RLIM: variants seen among roughly 807,000 people sequenced by gnomAD.
RLIM encodes ring finger protein, LIM domain interacting.
In RLIM, 2 loss-of-function variants were observed where a neutral mutation model predicts 34.0. That is an observed-to-expected ratio of 0.06 (90% CI 0.02 to 0.19). The LOEUF (loss-of-function observed/expected upper bound fraction) is 0.19, where lower values mean the gene tolerates loss of function less well. Among genes scored for constraint, RLIM ranks in the 10% least tolerant of loss-of-function variants. The pLI, the probability that RLIM is intolerant of heterozygous loss-of-function variation, is 1.00. For synonymous variants in RLIM, 169 were observed against 164.0 expected, an observed-to-expected ratio of 1.03 and a Z score of -0.23; for missense variants, 286 against 479.7, an observed-to-expected ratio of 0.60 and a Z score of 3.77.
intron 1 of RLIM, among the ~76,000 whole-genome samples, chrX:74,610,450 CAAACA>C (rs1348413932): frequency 6.4e-5 from 6 of 94,308 alleles, no homozygotes; most frequent in African/African-American, 2.5e-4. Flanking sequence ...AACAAACAAA[CAAACA>C]AACAAAAAAA....
At position 74,590,903 on chromosome X, in the gene RLIM, T is replaced by C. The variant is rs906294285; in HGVS notation, c.*537A>G. 9 of 117,816 alleles carry C rather than the reference T, an allele frequency of 7.6e-5. No homozygotes were observed. Among genetic ancestry groups the C allele is most frequent in the Non-Finnish European group, 1.4e-4 (8 of 56,061 alleles). 9.7% of individuals were successfully genotyped at this position (117,816 alleles called of 1,213,427 possible). A position where few individuals can be genotyped will look rare whatever the true frequency, so the allele number is the denominator to read the frequency against. ...AGACAGTTATACACTTAGAAGATCC[T>C]AACCTTAGTGTTATTTACACTGACA... On this transcript the variant is annotated 3_prime_UTR_variant, in exon 4 of 4. Transcript: ENST00000332687.
Position 74,607,295 on chromosome X carries a change from T to C in RLIM, c.-24+7127A>G, listed in dbSNP as rs1431747137. ...GTGTTCATTCAAGCTCCAAATTCTA[T>C]AATAAAGTTCTAAAGCAGGACATGC... On this transcript the variant is annotated intron_variant, in intron 1 of 3. Coordinates refer to ENST00000332687, the MANE Select transcript of RLIM (RefSeq NM_016120.4). Among the ~76,000 whole-genome samples, 4 of 112,325 alleles carry C rather than the reference T, an allele frequency of 3.6e-5. No homozygotes were observed. The East Asian group carries it at 1.1e-3, about 32-fold the overall frequency.
At position 74,590,862 on chromosome X, in the gene RLIM, C is replaced by T. The variant is rs1267068534; in HGVS notation, c.*578G>A. ...TATAAGCTCACTCTACAGTGTGCCA[C>T]AGTGATGGGCTTAGGAGACAGTTAT... On this transcript the variant is annotated 3_prime_UTR_variant, in exon 4 of 4. Coordinates refer to ENST00000332687, the MANE Select transcript of RLIM (RefSeq NM_016120.4). The T allele has an allele frequency of 8.8e-6, 1 of 113,317 alleles. No individual in the cohort carries two copies. Among genetic ancestry groups the T allele is most frequent in the African/African-American group, 3.2e-5 (1 of 30,906 alleles). 9.3% of individuals were successfully genotyped at this position (113,317 alleles called of 1,213,427 possible).
At position 74,587,176 on chromosome X, in the gene RLIM, A is replaced by G. The variant is rs2079591502; in HGVS notation, c.*4264T>C. ...TTTTTTCCAAATGAAGTATGCTGTC[A>G]ATTTACATTTTTCATGTTTTTTCAA... On this transcript the variant is annotated 3_prime_UTR_variant, in exon 4 of 4. Coordinates refer to ENST00000332687, the MANE Select transcript of RLIM (RefSeq NM_016120.4). 8.9e-6 allele frequency: 1 copy of G among 112,369 alleles called. No homozygotes were observed. Among genetic ancestry groups the G allele is most frequent in the Non-Finnish European group, 1.9e-5 (1 of 53,321 alleles). 9.3% of individuals were successfully genotyped at this position (112,369 alleles called of 1,213,427 possible). A position where few individuals can be genotyped will look rare whatever the true frequency, so the allele number is the denominator to read the frequency against.
At chrX:74,606,933 C>G (rs1244789809) in intron 1 of RLIM, among the ~76,000 whole-genome samples, 1 of 110,484 alleles carries the variant, frequency 9.1e-6, no homozygotes, top group Non-Finnish European at 1.9e-5. Context: ...CCCGGGAGTT[C>G]AAAACCAGCC....
At chrX:74,607,168 C>A (rs946025870) in intron 1 of RLIM, among the ~76,000 whole-genome samples, 1 of 83,606 alleles carries the variant, frequency 1.2e-5, no homozygotes, top group African/African-American at 4.7e-5. Flanking sequence ...GAAGAAATTA[C>A]CTCGTTTTTT....
Position 74,592,203 on chromosome X carries a change from T to C in RLIM, c.1112A>G (p.Glu371Gly). 8.3e-7 allele frequency: 1 copy of C among 1,211,822 alleles called. No homozygotes were observed. The highest frequency in any genetic ancestry group is 1.1e-6 in the Non-Finnish European group (1 of 895,520). Residue 371 changes from glutamate (E) to glycine (G), a missense_variant, in exon 4 of 4, where the codon GAG (glutamate) becomes GGG (glycine). Transcript: ENST00000332687. ...GGFRRTFSRS[E>G]RAGVRTYVST... ...GACATAGGTTCTCACACCTGCCCGCTCAGAACGTGAAAATGTACGCCTAAA... is the reference window on the plus strand; with the variant it reads ...GACATAGGTTCTCACACCTGCCCGCCCAGAACGTGAAAATGTACGCCTAAA...
intron 1 of RLIM, among the ~76,000 whole-genome samples, chrX:74,612,135 T>C (rs941875652): frequency 2.7e-5 from 3 of 112,216 alleles, no homozygotes; most frequent in Admixed American, 9.5e-5. Context: ...GTATCAATTA[T>C]GAATTTTTGA....
chrX:74,590,163 C>T lies in RLIM; in HGVS notation c.*1277G>A, dbSNP rs1324827350. 2 of 111,961 alleles carry T rather than the reference C, an allele frequency of 1.8e-5. No individual in the cohort carries two copies. The highest frequency in any genetic ancestry group is 3.8e-5 in the Non-Finnish European group (2 of 53,205). The allele number at this position is 111,961 out of a possible 1,213,427, so 9.2% of individuals were successfully genotyped here. A position where few individuals can be genotyped will look rare whatever the true frequency, so the allele number is the denominator to read the frequency against. On this transcript the variant is annotated 3_prime_UTR_variant, in exon 4 of 4. Transcript: ENST00000332687. Reference sequence around the variant, plus strand: ...TTAACACACACATGTGTACCAACTGCAATTCATATGCTAAAAGTGGTTTTA... The same window carrying T: ...TTAACACACACATGTGTACCAACTGTAATTCATATGCTAAAAGTGGTTTTA...
chrX:74,613,041 G>A (rs747154434), intron 1 of RLIM, among the ~76,000 whole-genome samples: 1 of 110,391 alleles, frequency 9.1e-6, no homozygotes, highest in East Asian at 2.8e-4. Flanking sequence ...AGTGGAGTGT[G>A]TCCTAAAATC....
chrX:74,602,952 C>T (rs1343067615), intron 1 of RLIM, among the ~76,000 whole-genome samples: 1 of 108,858 alleles, frequency 9.2e-6, no homozygotes, highest in African/African-American at 3.4e-5. Context: ...GCAAATAATT[C>T]TTCCTTTTAG....
At position 74,585,161 on chromosome X, in the gene RLIM, C is replaced by T. The variant is rs1439103243; in HGVS notation, c.*6279G>A. 2 of 111,953 alleles carry T rather than the reference C, an allele frequency of 1.8e-5. No individual in the cohort carries two copies. The highest frequency in any genetic ancestry group is 3.8e-5 in the Non-Finnish European group (2 of 53,200). 9.2% of individuals were successfully genotyped at this position (111,953 alleles called of 1,213,427 possible). ...AGCAAGGGAGTGGTCAGAGCAATGG[C>T]GAGAATACAAGAAACAGCAAAGATG... On this transcript the variant is annotated 3_prime_UTR_variant, in exon 4 of 4. Coordinates refer to ENST00000332687, the MANE Select transcript of RLIM (RefSeq NM_016120.4).
chrX:74,613,333 T>C (rs1028470421), intron 1 of RLIM, among the ~76,000 whole-genome samples: 11 of 110,938 alleles, frequency 9.9e-5, no homozygotes, highest in Admixed American at 2.9e-4. Flanking sequence ...CAAAAAATCA[T>C]TGTGGGGTCT....
chrX:74,599,780 C>A (rs909242846), intron 1 of RLIM, among the ~76,000 whole-genome samples: 5 of 111,229 alleles, frequency 4.5e-5, no homozygotes, highest in African/African-American at 1.6e-4. Flanking sequence ...TCTATTACAG[C>A]AGCCTGAACA....
chrX:74,613,534 A>T (rs1042445304), intron 1 of RLIM, among the ~76,000 whole-genome samples: 1 of 110,245 alleles, frequency 9.1e-6, no homozygotes, highest in Admixed American at 9.7e-5. Flanking sequence ...TAAGGGAAAA[A>T]GGGACCGAGT....
chrX:74,612,047 T>C (rs944243912), intron 1 of RLIM, among the ~76,000 whole-genome samples: 3 of 111,507 alleles, frequency 2.7e-5, no homozygotes, highest in Non-Finnish European at 5.6e-5. Flanking sequence ...GTGTCTTGGT[T>C]AGGCAATAAA....
rs2079618481 is a variant in RLIM, at chrX:74,592,016, T to C, written c.1299A>G (p.Ser433=). The C allele has an allele frequency of 8.3e-7, 1 of 1,211,677 alleles. No homozygotes were observed. Residue 433 remains serine (S), a synonymous_variant, in exon 4 of 4, where the codon TCA becomes TCG. Transcript: ENST00000332687. ...ACTCTGCCCTTTCCATATTTCGATT[T>C]GAGACTGAGCCAGTAGGCTCTGAGT... ...DSDSEPTGSV[S]NRNMERAESR...
chrX:74,610,462 A>G (rs753093715), intron 1 of RLIM, among the ~76,000 whole-genome samples: 1 of 100,197 alleles, frequency 1.0e-5, no homozygotes, highest in East Asian at 2.9e-4. Context: ...AACAAACAAA[A>G]AAAACCAAAA....
intron 1 of RLIM, among the ~76,000 whole-genome samples, chrX:74,597,139 A>G (rs1293790219): frequency 8.9e-6 from 1 of 112,321 alleles, no homozygotes; most frequent in Non-Finnish European, 1.9e-5. Flanking sequence ...GGCTTCAATC[A>G]AAGTAAATTT....
Sources: allele counts gnomAD v4.1 joint callset (sites outside exome capture counted in the v4.1 genomes callset), GRCh38; gene constraint gnomAD v4.1.1; transcripts MANE v1.5; gene names NCBI Gene and HGNC (gene_info 2026-07-23, HGNC 2026-07-21).